The following ZNF804B variants were observed in gnomAD, a reference collection of about 807,000 sequenced individuals.
ZNF804B encodes zinc finger protein 804B, also known as zinc finger 804B.
ZNF804B carries 80 observed loss-of-function variants against 101.4 expected under a neutral mutation model. That is an observed-to-expected ratio of 0.79 (90% confidence interval 0.66 to 0.95). The LOEUF is 0.95. Among genes scored for constraint, ZNF804B ranks in the 40% least tolerant of loss-of-function variants. The pLI, the probability that ZNF804B is intolerant of heterozygous loss-of-function variation, is 0.00. For missense variants in ZNF804B, 1,673 were observed against 1,561.9 expected, an observed-to-expected ratio of 1.07 and a Z score of -1.20; for synonymous variants, 622 against 558.8, an observed-to-expected ratio of 1.11 and a Z score of -1.59.
At chr7:89,202,124 A>G (rs1052983437) in intron 1 of ZNF804B, among the ~76,000 whole-genome samples, 2 of 152,104 alleles carry the variant, frequency 1.3e-5, no homozygotes, top group African/African-American at 4.8e-5. Context: ...TCATCCAAGC[A>G]TTCATATCAT....
At chr7:89,168,584 T>A (rs575632353) in intron 1 of ZNF804B, among the ~76,000 whole-genome samples, 1 of 151,958 alleles carries the variant, frequency 6.6e-6, no homozygotes, top group Non-Finnish European at 1.5e-5. Context: ...TAGTAAAAAG[T>A]AACCCCTTAA....
At chr7:89,192,659 C>T (rs1430106661) in intron 1 of ZNF804B, among the ~76,000 whole-genome samples, 1 of 151,802 alleles carries the variant, frequency 6.6e-6, no homozygotes, top group Non-Finnish European at 1.5e-5. Flanking sequence ...TCTATGAGGC[C>T]ATCATCATTC....
At chr7:89,011,712 G>C (rs1219209313) in intron 1 of ZNF804B, among the ~76,000 whole-genome samples, 1 of 152,046 alleles carries the variant, frequency 6.6e-6, no homozygotes, top group Admixed American at 6.6e-5. Flanking sequence ...GATGAAATAA[G>C]TGGGCTCCTA....
intron 1 of ZNF804B, among the ~76,000 whole-genome samples, chr7:89,069,673 A>G (rs1691914738): frequency 6.6e-6 from 1 of 152,126 alleles, no homozygotes; most frequent in Admixed American, 6.6e-5. Context: ...GGAACTGTAT[A>G]CAGTATGGTC....
chr7:89,135,811 C>A (rs1281991403), intron 1 of ZNF804B, among the ~76,000 whole-genome samples: 1 of 132,090 alleles, frequency 7.6e-6, no homozygotes. Flanking sequence ...ACAGGAAATG[C>A]GAATAGGCCT....
chr7:88,942,724 T>C (rs774222808), intron 1 of ZNF804B, among the ~76,000 whole-genome samples: 5 of 151,802 alleles, frequency 3.3e-5, no homozygotes, highest in Non-Finnish European at 7.4e-5. Flanking sequence ...CAAATGAAAA[T>C]ATAAAGTCTT....
At chr7:88,966,844 C>T (rs1250506689) in intron 1 of ZNF804B, among the ~76,000 whole-genome samples, 1 of 151,526 alleles carries the variant, frequency 6.6e-6, no homozygotes, top group Non-Finnish European at 1.5e-5. Flanking sequence ...TATTTCAAGA[C>T]ACGTGTAATG....
At chr7:88,973,118 G>A (rs570851729) in intron 1 of ZNF804B, among the ~76,000 whole-genome samples, 1 of 150,076 alleles carries the variant, frequency 6.7e-6, no homozygotes, top group African/African-American at 2.4e-5. Context: ...AGAAAATTCT[G>A]CCACTCTCTA....
intron 1 of ZNF804B, among the ~76,000 whole-genome samples, chr7:88,808,494 A>T (rs926509415): frequency 6.6e-6 from 1 of 151,820 alleles, no homozygotes; most frequent in South Asian, 2.1e-4. Flanking sequence ...TCTAGGGTAG[A>T]GGGTAGAGTA....
In ZNF804B at chr7:89,288,272, C is replaced by T. The variant is rs145159285; in HGVS notation, c.250-39072C>T. Among the ~76,000 whole-genome samples the T allele has an allele frequency of 2.0e-5, 3 of 151,908 alleles. No individual in the cohort carries two copies. In the East Asian group the frequency reaches 5.8e-4, roughly 29 times the overall value. On this transcript the variant is annotated intron_variant, in intron 2 of 3. Transcript: ENST00000333190. ...AGAATATGAAAATGTGGGTAGAACACAGTCAGAAGATCTAACAGATATATA... is the reference window on the plus strand; with the variant it reads ...AGAATATGAAAATGTGGGTAGAACATAGTCAGAAGATCTAACAGATATATA...
chr7:89,070,357 A>G (rs895111795), intron 1 of ZNF804B, among the ~76,000 whole-genome samples: 1 of 152,124 alleles, frequency 6.6e-6, no homozygotes, highest in Admixed American at 6.5e-5. Context: ...ACTCAGAATG[A>G]GCTGGGGTGT....
rs1322230086 is a variant in ZNF804B, at chr7:89,176,571, TTTTC to T, written c.109-41564_109-41561del. On this transcript the variant is annotated intron_variant, in intron 1 of 3. Coordinates refer to ENST00000333190, the MANE Select transcript of ZNF804B (RefSeq NM_181646.5). The stretch of plus-strand genomic sequence containing the variant: ...CCTGTGGTTTTCTTTCTTTTCTTTT[TTTTC>T]TTTCTTTCTTTCTTTCTTTTTTTTT... 2.4e-3 allele frequency among the ~76,000 whole-genome samples: 296 copies of T among 123,620 alleles called. 7 individuals carry two copies. The highest frequency in any genetic ancestry group is 0.018 in the Middle Eastern group (4 of 218). The allele number at this position is 123,620 out of a possible 152,430, so 81.1% of individuals were successfully genotyped here. A position where few individuals can be genotyped will look rare whatever the true frequency, so the allele number is the denominator to read the frequency against.
chr7:88,945,601 A>C lies in ZNF804B; in HGVS notation c.108+185517A>C, dbSNP rs543358038. On this transcript the variant is annotated intron_variant, in intron 1 of 3. Transcript: ENST00000333190. ...CTGTTTTGGTTCCATATGAAATTTA[A>C]AGTAGTTTTTTCTAATTCTGTGAAG... 5.5e-4 allele frequency among the ~76,000 whole-genome samples: 81 copies of C among 147,610 alleles called. 2 individuals carry two copies. The highest frequency in any genetic ancestry group is 1.7e-3 in the Admixed American group (25 of 14,718).
intron 3 of ZNF804B, among the ~76,000 whole-genome samples, chr7:89,328,160 G>A (rs1328603168): frequency 3.9e-5 from 6 of 151,902 alleles, no homozygotes; most frequent in African/African-American, 7.2e-5. Context: ...CTAGTGAATT[G>A]TGAAACTTAT....
At chr7:89,229,925 C>T (rs1789163256) in intron 2 of ZNF804B, among the ~76,000 whole-genome samples, 1 of 151,660 alleles carries the variant, frequency 6.6e-6, no homozygotes, top group South Asian at 2.1e-4. Flanking sequence ...CTCACAAAAC[C>T]CTTGGAGATT....
chr7:89,127,159 AC>A (rs1270364502), intron 1 of ZNF804B, among the ~76,000 whole-genome samples: 1 of 151,976 alleles, frequency 6.6e-6, no homozygotes, highest in Non-Finnish European at 1.5e-5. Flanking sequence ...TTCCTTTAAA[AC>A]ATAATTCATT....
chr7:88,870,817 GAATCATTTGCTCTAAACTAGGAT>G, intron 1 of ZNF804B, among the ~76,000 whole-genome samples: 1 of 152,166 alleles, frequency 6.6e-6, no homozygotes, highest in South Asian at 2.1e-4. Flanking sequence ...AAATATTCTT[GAATCATTTGCTCTAAACTAGGAT>G]ATTATTTCTA....
At chr7:88,966,564 A>G (rs1283133454) in intron 1 of ZNF804B, among the ~76,000 whole-genome samples, 7 of 151,526 alleles carry the variant, frequency 4.6e-5, no homozygotes, top group Non-Finnish European at 1.0e-4. Context: ...AGATAATTGC[A>G]CTCTAACATA....
At chr7:89,134,427 G>C (rs1790599672) in intron 1 of ZNF804B, among the ~76,000 whole-genome samples, 1 of 152,090 alleles carries the variant, frequency 6.6e-6, no homozygotes, top group African/African-American at 2.4e-5. Context: ...ATCCCTAACA[G>C]AGCATAATCT....
Sources: allele counts gnomAD v4.1 joint callset (sites outside exome capture counted in the v4.1 genomes callset), GRCh38; gene constraint gnomAD v4.1.1; transcripts MANE v1.5; gene names NCBI Gene and HGNC (gene_info 2026-07-23, HGNC 2026-07-21).